Variants in FRY observed in about 807,000 individuals in gnomAD.
FRY encodes the protein FRY microtubule binding protein, also known as protein furry homolog.
A neutral mutation model predicts 348.4 loss-of-function variants in FRY; 128 were observed. The ratio of observed to expected loss-of-function variants is 0.37; its 90% CI spans 0.32 to 0.43. The LOEUF (loss-of-function observed/expected upper bound fraction) is 0.43. Ranked by LOEUF, FRY falls within the 20% of genes least tolerant of loss-of-function variation. FRY has a pLI of 1.00. For synonymous variants in FRY, 1,370 were observed against 1,374.7 expected (o/e 1.00, Z 0.08); for missense variants, 2,736 against 3,695.2 (o/e 0.74, Z 6.73).
At chr13:32,176,719 A>G (rs550150849) in intron 20 of FRY, among the ~76,000 whole-genome samples, 3 of 152,360 alleles carry the variant, frequency 2.0e-5, no homozygotes, top group South Asian at 4.1e-4. Context: ...GTGTGTACCA[A>G]AATCAAAATC....
intron 11 of FRY, among the ~76,000 whole-genome samples, chr13:32,144,481 G>T (rs1210467887): frequency 6.6e-6 from 1 of 151,382 alleles, no homozygotes; most frequent in East Asian, 1.9e-4. Context: ...AGGAAATGTA[G>T]AACAGACCTA....
At chr13:32,209,282 C>T (rs1266341302) in intron 32 of FRY, among the ~76,000 whole-genome samples, 173 bp downstream of exon 32, 1 of 152,102 alleles carries the variant, frequency 6.6e-6, no homozygotes, top group African/African-American at 2.4e-5. Flanking sequence ...AGGCTGTACA[C>T]TTACAAATAG....
intron 14 of FRY, among the ~76,000 whole-genome samples, chr13:32,154,917 A>G (rs1881018591): frequency 2.0e-5 from 3 of 152,150 alleles, no homozygotes; most frequent in African/African-American, 7.2e-5. Context: ...CTGGCCCACA[A>G]TCACATTTCT....
intron 51 of FRY, among the ~76,000 whole-genome samples, chr13:32,259,852 CA>C (rs371183212): frequency 5.1e-4 from 75 of 148,290 alleles, no homozygotes; most frequent in Non-Finnish European, 2.2e-4. Context: ...CATTTTCTAC[CA>C]AAAAAAAAGA....
chr13:32,131,283 G>C (rs190944053), intron 7 of FRY, among the ~76,000 whole-genome samples: 52 of 152,266 alleles, frequency 3.4e-4, no homozygotes, highest in Middle Eastern at 6.8e-3. Context: ...CACTAACCTA[G>C]TATGTTATTG....
chr13:32,090,428 T>G (rs1876217883), intron 2 of FRY, among the ~76,000 whole-genome samples: 1 of 148,346 alleles, frequency 6.7e-6, no homozygotes, highest in African/African-American at 2.5e-5. Context: ...GATGAAAAGG[T>G]TTAAGCATGT....
chr13:32,160,806 C>CATT (rs1036092682), intron 16 of FRY, among the ~76,000 whole-genome samples: 11 of 152,182 alleles, frequency 7.2e-5, no homozygotes, highest in African/African-American at 2.7e-4. Flanking sequence ...GAATGAAATA[C>CATT]ATTTCTTCAT....
intron 14 of FRY, among the ~76,000 whole-genome samples, chr13:32,152,691 G>T (rs204564): frequency 0.71 from 108,567 of 152,012 alleles, 39,387 homozygotes; most frequent in East Asian, 0.98. Flanking sequence ...AAGAAAAGAA[G>T]ATTTTCATGA....
intron 3 of FRY, among the ~76,000 whole-genome samples, chr13:32,106,023 A>T (rs1292216653): frequency 1.3e-5 from 2 of 149,666 alleles, no homozygotes; most frequent in African/African-American, 2.4e-5. Flanking sequence ...TCCTTCCAGC[A>T]ACTCCAAGAA....
At chr13:32,150,868 G>A (rs1043692274) in intron 14 of FRY, among the ~76,000 whole-genome samples, 2 of 152,142 alleles carry the variant, frequency 1.3e-5, no homozygotes, top group Non-Finnish European at 2.9e-5. Context: ...TTCTCTTCTT[G>A]ATACTAAGGT....
rs558191859 is a variant in FRY at position 32,055,085 on chromosome 13, C to T, written c.70+23220C>T. ...TTTATTTAGAGACAGGGTCTTGTGTCGCCCAGGCTGGAGTGCAGTGGTGTG... is the reference window on the plus strand; with the variant it reads ...TTTATTTAGAGACAGGGTCTTGTGTTGCCCAGGCTGGAGTGCAGTGGTGTG... On this transcript the variant is annotated intron_variant, in intron 1 of 60. Transcript: ENST00000542859. Among the ~76,000 whole-genome samples the T allele has an allele frequency of 1.3e-4, 20 of 152,146 alleles. No individual in the cohort carries two copies. The South Asian group carries it at 2.5e-3, about 19-fold the overall frequency.
Position 32,239,888 on chromosome 13 carries a change from T to C in FRY, c.6687+7T>C. On this transcript the variant is annotated splice_region_variant and intron_variant, in intron 46 of 60. Transcript: ENST00000542859. The surrounding 1 kb of genome is among the most constrained non-coding windows in gnomAD (Gnocchi z 4.3). ...GGTTACCTACCTGGCAGAGGTAAGC[T>C]TTTTTTTTTTGTTTTTTGAGACAGG... 1.5e-6 allele frequency: 1 copy of C among 655,466 alleles called. No individual in the cohort carries two copies. Among genetic ancestry groups the C allele is most frequent in the Non-Finnish European group, 2.1e-6 (1 of 467,246 alleles). The allele number at this position is 655,466 out of a possible 1,614,324, so 40.6% of individuals were successfully genotyped here.
intron 55 of FRY, among the ~76,000 whole-genome samples, chr13:32,274,497 GATC>G (rs1888392309): frequency 6.6e-6 from 1 of 151,800 alleles, no homozygotes. Flanking sequence ...CACAAGGTCA[GATC>G]GAGACCATCC....
At chr13:32,219,193 A>G (rs1409724371) in intron 36 of FRY, among the ~76,000 whole-genome samples, 2 of 149,370 alleles carry the variant, frequency 1.3e-5, no homozygotes, top group Non-Finnish European at 3.0e-5. Flanking sequence ...GGTTCAAGTC[A>G]TGTTCCTGCC....
In FRY at chr13:32,262,406, C is replaced by T. The variant is rs776886558; in HGVS notation, c.7710C>T (p.Asn2570=). The T allele has an allele frequency of 6.2e-7, 1 of 1,613,440 alleles. No individual in the cohort carries two copies. Among genetic ancestry groups the T allele is most frequent in the Non-Finnish European group, 8.5e-7 (1 of 1,179,350 alleles). ...CCCCTGCAGAACCTCATTCCTTTAA[C>T]ACCAGAATGTCCAGCTTTGATGCTT... The part of the protein sequence containing the change: ...DSTPAEPHSF[N]TRMSSFDASL... The change falls in exon 53 of 61, where the codon AAC becomes AAT. Residue 2570 remains asparagine (N), a synonymous_variant. Transcript: ENST00000542859.
intron 1 of FRY, among the ~76,000 whole-genome samples, chr13:32,067,297 C>G (rs1030041576): frequency 5.9e-5 from 9 of 152,174 alleles, no homozygotes; most frequent in African/African-American, 9.7e-5. Flanking sequence ...TGGCCCAGAA[C>G]AGAGACTAGG....
intron 1 of FRY, among the ~76,000 whole-genome samples, chr13:32,042,123 A>G (rs1346940232): frequency 6.6e-6 from 1 of 152,184 alleles, no homozygotes; most frequent in Non-Finnish European, 1.5e-5. Flanking sequence ...AGGAGTGGAC[A>G]TTTAAATTAT....
chr13:32,171,980 A>AT (rs1882112042), intron 18 of FRY, among the ~76,000 whole-genome samples: 1 of 9,388 alleles, frequency 1.1e-4, no homozygotes, highest in Non-Finnish European at 2.3e-4. Context: ...GGATGTAGAT[A>AT]GGATGTGGAT....
chr13:32,291,131 T>A (rs1889329710), intron 59 of FRY, among the ~76,000 whole-genome samples: 1 of 151,848 alleles, frequency 6.6e-6, no homozygotes, highest in Non-Finnish European at 1.5e-5. Context: ...AGCAGAGAAG[T>A]GAGGATGAAG....
Sources: allele counts gnomAD v4.1 joint callset (sites outside exome capture counted in the v4.1 genomes callset), GRCh38; gene constraint gnomAD v4.1.1; non-coding constraint Gnocchi (gnomAD v3.1); transcripts MANE v1.5; gene names NCBI Gene and HGNC (gene_info 2026-07-23, HGNC 2026-07-21).